The following SULT1E1 variants were observed in gnomAD, a reference collection of about 807,000 sequenced individuals.
SULT1E1 encodes sulfotransferase family 1E member 1.
In SULT1E1, 36 loss-of-function variants were observed where a neutral mutation model predicts 33.6. That is an observed-to-expected ratio of 1.07 (90% CI 0.82 to 1.41). The LOEUF (loss-of-function observed/expected upper bound fraction) is 1.41, where lower values mean the gene tolerates loss of function less well. SULT1E1 is among the 40% of genes most tolerant of loss of function. The pLI, the probability that SULT1E1 is intolerant of heterozygous loss-of-function variation, is 0.00. For missense variants in SULT1E1, 371 were observed against 345.7 expected, an observed-to-expected ratio of 1.07 and a Z score of -0.58; for synonymous variants, 121 against 111.7, an observed-to-expected ratio of 1.08 and a Z score of -0.53.
the SULT1E1 span, among the ~76,000 whole-genome samples, chr4:69,833,916 A>T: frequency 6.6e-6 from 1 of 152,174 alleles, no homozygotes; most frequent in East Asian, 1.9e-4. Context: ...TAAAGCCAAT[A>T]CTTTCTTTTT....
intron 4 of SULT1E1, among the ~76,000 whole-genome samples, chr4:69,850,751 G>T (rs925823660): frequency 6.6e-6 from 1 of 151,962 alleles, no homozygotes; most frequent in Non-Finnish European, 1.5e-5. Flanking sequence ...TTCTCAAAAT[G>T]CTATCTGTAT....
At chr4:69,843,082 C>A (rs1393472199) in intron 7 of SULT1E1, among the ~76,000 whole-genome samples, 2 of 152,084 alleles carry the variant, frequency 1.3e-5, no homozygotes, top group African/African-American at 2.4e-5. Flanking sequence ...ATGATCCGCC[C>A]GTCTCGGCCT....
chr4:69,841,246 C>CT lies in SULT1E1; in HGVS notation c.*747dup, dbSNP rs1310349251. 3 of 152,000 alleles carry CT rather than the reference C, an allele frequency of 2.0e-5. No individual in the cohort carries two copies. The highest frequency in any genetic ancestry group is 4.4e-5 in the Non-Finnish European group (3 of 68,012). 9.4% of individuals were successfully genotyped at this position (152,000 alleles called of 1,614,324 possible). A position where few individuals can be genotyped will look rare whatever the true frequency, so the allele number is the denominator to read the frequency against. ...ATGCTTGTTTATTTTTAATACAACT[C>CT]TAACAAGATGAATAATCTGTGTTAC... On this transcript the variant is annotated 3_prime_UTR_variant, in exon 8 of 8. Coordinates refer to ENST00000226444, the MANE Select transcript of SULT1E1 (RefSeq NM_005420.3).
At chr4:69,829,451 C>T in the SULT1E1 span, among the ~76,000 whole-genome samples, 34,039 of 152,040 alleles carry the variant, frequency 0.22, 4,615 homozygotes, top group Non-Finnish European at 0.31. Flanking sequence ...TACTTTCAGC[C>T]CGAACTCTGG....
chr4:69,849,388 G>A (rs1721051171), intron 5 of SULT1E1, 49 bp downstream of exon 5: 1 of 1,588,608 alleles, frequency 6.3e-7, no homozygotes, highest in Non-Finnish European at 8.6e-7. Flanking sequence ...GATGGCATTT[G>A]TCTTATAAAA....
At chr4:69,826,812 C>A in the SULT1E1 span, among the ~76,000 whole-genome samples, 1 of 152,136 alleles carries the variant, frequency 6.6e-6, no homozygotes, top group Non-Finnish European at 1.5e-5. Context: ...TATGTCCAAG[C>A]TTTCTTTTCA....
intron 6 of SULT1E1, 51 bp from the exon 7 acceptor site, chr4:69,844,392 A>G (rs754292519): frequency 4.3e-6 from 6 of 1,383,394 alleles, no homozygotes; most frequent in South Asian, 2.7e-5. Flanking sequence ...TGAATAAATC[A>G]CTATCTAAAT....
At chr4:69,837,725 C>T (rs1720817041), downstream of SULT1E1, among the ~76,000 whole-genome samples, 2 of 152,120 alleles carry the variant, frequency 1.3e-5, no homozygotes, top group South Asian at 4.1e-4. Context: ...GAGATGGGGT[C>T]TCACTATGTT....
the SULT1E1 span, among the ~76,000 whole-genome samples, chr4:69,823,788 G>A: frequency 6.6e-6 from 1 of 152,132 alleles, no homozygotes; most frequent in South Asian, 2.1e-4. Context: ...TGCTATCTGA[G>A]CAGAAGTTCC....
the SULT1E1 span, among the ~76,000 whole-genome samples, chr4:69,823,569 C>T: frequency 6.6e-6 from 1 of 152,304 alleles, no homozygotes; most frequent in East Asian, 1.9e-4. Context: ...CAGTGCATCA[C>T]TGCCACCTGC....
In SULT1E1 at chr4:69,853,408, G is replaced by A. The variant is rs555228931; in HGVS notation, c.369+809C>T. Among the ~76,000 whole-genome samples, 10 of 152,162 alleles carry A rather than the reference G, an allele frequency of 6.6e-5. No homozygotes were observed. In the East Asian group the frequency reaches 9.6e-4, roughly 15 times the overall value. ...TGACTTTCAATATTTCTTATAATCC[G>A]TTCCTAGCTAATCTGCCTTTACTTA... On this transcript the variant is annotated intron_variant, in intron 4 of 7. Transcript: ENST00000226444.
the SULT1E1 span, among the ~76,000 whole-genome samples, chr4:69,833,484 T>C: frequency 1.3e-5 from 2 of 152,216 alleles, no homozygotes; most frequent in Non-Finnish European, 2.9e-5. Flanking sequence ...TACTGTCTGG[T>C]TCCTTCATAA....
At chr4:69,855,493 T>C in intron 2 of SULT1E1, 67 bp from the exon 3 acceptor site, 1 of 1,495,626 alleles carries the variant, frequency 6.7e-7, no homozygotes, top group Non-Finnish European at 8.9e-7. Flanking sequence ...AGTGCTGCAT[T>C]TATGGATGGA....
At chr4:69,832,772 A>G in the SULT1E1 span, among the ~76,000 whole-genome samples, 4 of 152,166 alleles carry the variant, frequency 2.6e-5, no homozygotes, top group African/African-American at 9.7e-5. Context: ...AAAAGCAGGA[A>G]CCTACAATCA....
At chr4:69,839,048 C>T (rs996274986), downstream of SULT1E1, among the ~76,000 whole-genome samples, 1 of 152,146 alleles carries the variant, frequency 6.6e-6, no homozygotes, top group Admixed American at 6.6e-5. Context: ...TTATTCGTTG[C>T]TCAAGTTGAA....
intron 7 of SULT1E1, among the ~76,000 whole-genome samples, chr4:69,843,053 G>T (rs1274401274): frequency 6.6e-6 from 1 of 152,016 alleles, no homozygotes; most frequent in Non-Finnish European, 1.5e-5. Flanking sequence ...AGCCAGGATG[G>T]TCTCGATCTC....
rs561721040 is a variant in SULT1E1 at position 69,846,189 on chromosome 4, T to C, written c.591+1509A>G. 2.0e-5 allele frequency among the ~76,000 whole-genome samples: 3 copies of C among 149,518 alleles called. No individual in the cohort carries two copies. The East Asian group carries it at 5.9e-4, about 29-fold the overall frequency. ...ATCTCATTTAAAGAGGAAAACTATA[T>C]ACAGCACCTATTACCTACTACTTAA... On this transcript the variant is annotated intron_variant, in intron 6 of 7. Coordinates refer to ENST00000226444, the MANE Select transcript of SULT1E1 (RefSeq NM_005420.3).
At chr4:69,852,942 G>A (rs1721157633) in intron 4 of SULT1E1, among the ~76,000 whole-genome samples, 1 of 152,036 alleles carries the variant, frequency 6.6e-6, no homozygotes, top group African/African-American at 2.4e-5. Flanking sequence ...CACATCTCCT[G>A]GAAAGTACAT....
chr4:69,849,531 C>A lies in SULT1E1; in HGVS notation c.402G>T (p.Val134=). The change falls in exon 5 of 8, where the codon GTG becomes GTT. Residue 134 remains valine, a synonymous_variant. Coordinates refer to ENST00000226444, the MANE Select transcript of SULT1E1 (RefSeq NM_005420.3). ...IIYLCRNAKD[V]AVSFYYFFLM... ...GAAAGAAATAATAAAAGGAAACAGC[C>A]ACATCCTTTGCATTCCGGCAAAGAT... 1.2e-6 allele frequency: 2 copies of A among 1,609,372 alleles called. No homozygotes were observed. The highest frequency in any genetic ancestry group is 1.7e-6 in the Non-Finnish European group (2 of 1,177,410).
Sources: allele counts gnomAD v4.1 joint callset (sites outside exome capture counted in the v4.1 genomes callset), GRCh38; gene constraint gnomAD v4.1.1; transcripts MANE v1.5; gene names NCBI Gene and HGNC (gene_info 2026-07-23, HGNC 2026-07-21).